Variants in BRI3BP observed in about 807,000 individuals in gnomAD.
BRI3BP encodes BRI3-binding protein.
In BRI3BP, 7 loss-of-function variants were observed where a neutral mutation model predicts 15.8. That is an observed-to-expected ratio of 0.44 (90% CI 0.25 to 0.83). The LOEUF (loss-of-function observed/expected upper bound fraction) is 0.83, where lower values mean the gene tolerates loss of function less well. BRI3BP is among the 40% of genes least tolerant of loss of function. The pLI is 0.20. For synonymous variants in BRI3BP, 192 were observed against 163.5 expected (o/e 1.17, Z -1.33); for missense variants, 320 against 339.3 (o/e 0.94, Z 0.45).
rs1239279608 is a variant in BRI3BP, at chr12:125,029,382, A to C, written c.*3952A>C. The C allele has an allele frequency of 1.4e-5, 2 of 138,452 alleles. No homozygotes were observed. Among genetic ancestry groups the C allele is most frequent in the Admixed American group, 7.2e-5 (1 of 13,860 alleles). 8.6% of individuals were successfully genotyped at this position (138,452 alleles called of 1,614,324 possible). ...ATACAAAAAAAAAAAAAAAAAAAAA[A>C]ATAGCCAGGTGTGGTGGTGGGTTCC... On this transcript the variant is annotated 3_prime_UTR_variant, in exon 3 of 3. Coordinates refer to ENST00000341446, the MANE Select transcript of BRI3BP (RefSeq NM_080626.6).
intron 1 of BRI3BP, among the ~76,000 whole-genome samples, chr12:125,011,153 C>T (rs1214221518): frequency 4.0e-5 from 6 of 150,076 alleles, no homozygotes; most frequent in African/African-American, 7.4e-5. Context: ...ACCCTTCACA[C>T]GTGAGCCGAG....
At chr12:125,049,707 G>A in the BRI3BP span, among the ~76,000 whole-genome samples, 15 of 152,246 alleles carry the variant, frequency 9.9e-5, no homozygotes, top group Non-Finnish European at 2.1e-4. Context: ...CCTATGAACC[G>A]GAACGCGTCG....
Position 125,025,622 on chromosome 12 carries a change from CG to C in BRI3BP, c.*193del. ...CCCAGAAGAGCGGAAAGATCATTGA[CG>C]TGGAACTACACACGAAGTGTAATTA... On this transcript the variant is annotated 3_prime_UTR_variant, in exon 3 of 3. Coordinates refer to ENST00000341446, the MANE Select transcript of BRI3BP (RefSeq NM_080626.6). 1 of 582,566 alleles carries C rather than the reference CG, an allele frequency of 1.7e-6. No individual in the cohort carries two copies. Among genetic ancestry groups the C allele is most frequent in the Non-Finnish European group, 2.9e-6 (1 of 340,570 alleles). 36.1% of individuals were successfully genotyped at this position (582,566 alleles called of 1,614,324 possible). A position where few individuals can be genotyped will look rare whatever the true frequency, so the allele number is the denominator to read the frequency against.
intron 2 of BRI3BP, among the ~76,000 whole-genome samples, chr12:125,013,384 G>T (rs945014291): frequency 6.6e-6 from 1 of 152,198 alleles, no homozygotes; most frequent in African/African-American, 2.4e-5. Flanking sequence ...CGTTGAGTTC[G>T]AAGTCACACA....
chr12:125,025,236 C>A lies in BRI3BP; in HGVS notation c.562C>A (p.Leu188Met). The A allele has an allele frequency of 4.3e-6, 7 of 1,614,146 alleles. No individual in the cohort carries two copies. Among genetic ancestry groups the A allele is most frequent in the Non-Finnish European group, 5.9e-6 (7 of 1,180,044 alleles). The change falls in exon 3 of 3, where the codon CTG (leucine) becomes ATG (methionine). Residue 188 changes from leucine (L) to methionine (M), a missense_variant. Coordinates refer to ENST00000341446, the MANE Select transcript of BRI3BP (RefSeq NM_080626.6). ...CGAGCCGGAGAACGCGGTGCTGCCG[C>A]TGTGCTTCGTGGTGGCCGTCTACTT... ...EGEPENAVLP[L>M]CFVVAVYFMT...
chr12:125,035,563 C>CT (rs1033939198), downstream of BRI3BP, among the ~76,000 whole-genome samples: 17 of 147,978 alleles, frequency 1.1e-4, no homozygotes, highest in South Asian at 4.3e-4. Flanking sequence ...CAGGCTAATG[C>CT]TTTTTTTTTT....
chr12:125,041,023 G>A, the BRI3BP span, among the ~76,000 whole-genome samples: 8 of 148,812 alleles, frequency 5.4e-5, no homozygotes, highest in Non-Finnish European at 1.0e-4. Flanking sequence ...GAGCCACCGT[G>A]CCTGGCCTAT....
intron 2 of BRI3BP, among the ~76,000 whole-genome samples, chr12:125,021,466 G>A (rs535476286): frequency 2.0e-4 from 31 of 152,296 alleles, no homozygotes; most frequent in African/African-American, 7.2e-4. Flanking sequence ...ACTTAGGGAA[G>A]CCAAGGCAGG....
the BRI3BP span, among the ~76,000 whole-genome samples, chr12:125,044,451 T>TTA: frequency 1.0e-4 from 7 of 67,758 alleles, no homozygotes; most frequent in African/African-American, 3.3e-4. Flanking sequence ...GCCCGGCCAA[T>TTA]TTTTTTTTTT....
intron 1 of BRI3BP, among the ~76,000 whole-genome samples, chr12:125,000,307 GA>G (rs371133448): frequency 4.5e-5 from 5 of 110,552 alleles, no homozygotes; most frequent in East Asian, 3.0e-4. Context: ...AGTTTCATAT[GA>G]TTTTTTTTTT....
In BRI3BP at chr12:125,028,465, T is replaced by A. The variant is rs1489499303; in HGVS notation, c.*3035T>A. The A allele has an allele frequency of 1.3e-5, 2 of 152,240 alleles. No homozygotes were observed. The highest frequency in any genetic ancestry group is 2.9e-5 in the Non-Finnish European group (2 of 68,042). 9.4% of individuals were successfully genotyped at this position (152,240 alleles called of 1,614,324 possible). On this transcript the variant is annotated 3_prime_UTR_variant, in exon 3 of 3. Coordinates refer to ENST00000341446, the MANE Select transcript of BRI3BP (RefSeq NM_080626.6). Reference sequence around the variant, plus strand: ...TGCTGGTGGATTGAGACCTCAAGCATCAATTCAAAATTGCTGTCGAAAATA... The same window carrying A: ...TGCTGGTGGATTGAGACCTCAAGCAACAATTCAAAATTGCTGTCGAAAATA...
At chr12:125,016,456 G>T (rs1955244316) in intron 2 of BRI3BP, among the ~76,000 whole-genome samples, 1 of 130,622 alleles carries the variant, frequency 7.7e-6, no homozygotes, top group South Asian at 2.5e-4. Flanking sequence ...AAGTTTTCTA[G>T]TAACCATGTC....
At chr12:125,016,355 GTTTTTT>G (rs55938703) in intron 2 of BRI3BP, among the ~76,000 whole-genome samples, 1 of 143,120 alleles carries the variant, frequency 7.0e-6, no homozygotes, top group African/African-American at 2.6e-5. Flanking sequence ...TTTCTTCAGT[GTTTTTT>G]TTTTTTTTGA....
rs1473593834 is a variant in BRI3BP at position 125,030,954 on chromosome 12, G to A, written c.*5524G>A. The A allele has an allele frequency of 1.3e-5, 2 of 149,568 alleles. No homozygotes were observed. The highest frequency in any genetic ancestry group is 3.0e-5 in the Non-Finnish European group (2 of 66,948). The allele number at this position is 149,568 out of a possible 1,614,324, so 9.3% of individuals were successfully genotyped here. On this transcript the variant is annotated 3_prime_UTR_variant, in exon 3 of 3. Coordinates refer to ENST00000341446, the MANE Select transcript of BRI3BP (RefSeq NM_080626.6). ...TCCATTTGATTTGAATAGTGTGTGT[G>A]TGTACATGGTGTGTGTGTGTGTGTG...
At chr12:125,003,996 C>CACACA (rs1955120959) in intron 1 of BRI3BP, among the ~76,000 whole-genome samples, 2 of 15,802 alleles carry the variant, frequency 1.3e-4, no homozygotes, top group African/African-American at 1.2e-3. Flanking sequence ...CACACACACA[C>CACACA]ACACACAACA....
At chr12:125,002,362 C>G (rs1375793569) in intron 1 of BRI3BP, among the ~76,000 whole-genome samples, 2 of 151,992 alleles carry the variant, frequency 1.3e-5, no homozygotes, top group African/African-American at 2.4e-5. Flanking sequence ...CTTGTCAGCA[C>G]TTGCTATGGT....
the BRI3BP span, among the ~76,000 whole-genome samples, chr12:125,044,330 T>C: frequency 1.3e-5 from 2 of 152,112 alleles, no homozygotes; most frequent in South Asian, 2.1e-4. Context: ...TTTTATATTT[T>C]AGTAGAGACG....
At chr12:125,034,735 G>A (rs1014180353), downstream of BRI3BP, among the ~76,000 whole-genome samples, 2 of 151,888 alleles carry the variant, frequency 1.3e-5, no homozygotes, top group Admixed American at 6.6e-5. Context: ...GACTACAGGC[G>A]CCTGCCACCA....
chr12:125,004,099 T>C (rs1475315699), intron 1 of BRI3BP, among the ~76,000 whole-genome samples: 1 of 152,180 alleles, frequency 6.6e-6, no homozygotes, highest in African/African-American at 2.4e-5. Context: ...TTTACAAAAC[T>C]TTTTGTTTGA....
Sources: gnomAD v4.1 joint callset for allele counts (sites outside exome capture counted in the v4.1 genomes callset) on GRCh38, gnomAD v4.1.1 for gene constraint, MANE v1.5 for transcripts, NCBI Gene and HGNC (gene_info 2026-07-23, HGNC 2026-07-21) for gene names.